Variants in PCCA observed in about 807,000 individuals in gnomAD.
PCCA encodes the protein propionyl-CoA carboxylase subunit alpha, also known as propionyl-CoA carboxylase alpha chain, mitochondrial.
A neutral mutation model predicts 101.3 loss-of-function variants in PCCA; 74 were observed. The ratio of observed to expected loss-of-function variants is 0.73; its 90% CI spans 0.61 to 0.89. The LOEUF is 0.89. Among genes scored for constraint, PCCA ranks in the 40% least tolerant of loss-of-function variants. The pLI is 0.00. For synonymous variants in PCCA, 294 were observed against 313.6 expected (o/e 0.94, Z 0.66); for missense variants, 891 against 907.0 (o/e 0.98, Z 0.23).
intron 4 of PCCA, among the ~76,000 whole-genome samples, chr13:100,142,672 C>T (rs996753443): frequency 3.9e-5 from 6 of 152,114 alleles, no homozygotes; most frequent in Non-Finnish European, 8.8e-5. Context: ...TGGGGTTTTG[C>T]CATGTTGGCC....
rs531151972 is a variant in PCCA, at chr13:100,202,091, A to G, written c.469-7241A>G. ...ATGCCTGCAATCCCAACACTTTGGGAGACTGAGGCAGGAGGATCACTTGAG... is the reference window on the plus strand; with the variant it reads ...ATGCCTGCAATCCCAACACTTTGGGGGACTGAGGCAGGAGGATCACTTGAG... On this transcript the variant is annotated intron_variant, in intron 6 of 23. Transcript: ENST00000376285. 2.3e-4 allele frequency among the ~76,000 whole-genome samples: 35 copies of G among 149,976 alleles called. No homozygotes were observed. In the East Asian group the frequency reaches 6.8e-3, roughly 29 times the overall value.
At chr13:100,325,418 AAGGG>A (rs544506128) in intron 16 of PCCA, among the ~76,000 whole-genome samples, 45,423 of 152,074 alleles carry the variant, frequency 0.3, 8,170 homozygotes, top group Middle Eastern at 0.46. Context: ...ACAAAATGTG[AAGGG>A]GAAGCTGTTT....
chr13:100,168,446 G>T (rs911639671), intron 6 of PCCA, among the ~76,000 whole-genome samples: 1 of 152,190 alleles, frequency 6.6e-6, no homozygotes, highest in African/African-American at 2.4e-5. Context: ...ATGGCATGGG[G>T]GCAGTTTCCT....
chr13:100,224,000 G>A (rs911457619), intron 7 of PCCA, among the ~76,000 whole-genome samples: 2 of 152,254 alleles, frequency 1.3e-5, no homozygotes, highest in African/African-American at 2.4e-5. Flanking sequence ...AGTGGATCCC[G>A]CACCGGGGCT....
intron 21 of PCCA, among the ~76,000 whole-genome samples, chr13:100,506,937 A>G (rs1303205135): frequency 2.0e-5 from 3 of 152,148 alleles, no homozygotes; most frequent in Admixed American, 6.5e-5. Flanking sequence ...TTGTACCCCA[A>G]ATTATACAGT....
intron 21 of PCCA, among the ~76,000 whole-genome samples, chr13:100,500,051 A>G (rs2152987730): frequency 6.6e-6 from 1 of 152,308 alleles, no homozygotes; most frequent in East Asian, 1.9e-4. Flanking sequence ...AATCTAATTG[A>G]AGTAAGAAAT....
chr13:100,373,562 A>G (rs768148619), intron 19 of PCCA, among the ~76,000 whole-genome samples: 2 of 152,238 alleles, frequency 1.3e-5, no homozygotes, highest in Admixed American at 1.3e-4. Context: ...TGATAGAGAC[A>G]GAAACTAGAT....
At chr13:100,304,388 G>T (rs76396021) in intron 14 of PCCA, among the ~76,000 whole-genome samples, 1,666 of 152,340 alleles carry the variant, frequency 0.011, 27 homozygotes, top group African/African-American at 0.03. Context: ...TTATTGCTGG[G>T]AGCAATCAAA....
chr13:100,212,116 A>G (rs1425403012), intron 7 of PCCA, among the ~76,000 whole-genome samples: 2 of 151,848 alleles, frequency 1.3e-5, no homozygotes, highest in African/African-American at 2.4e-5. Flanking sequence ...GTTGCTTCTT[A>G]TATAGCTCTC....
chr13:100,440,259 T>C (rs956161167), intron 20 of PCCA, among the ~76,000 whole-genome samples: 2 of 143,580 alleles, frequency 1.4e-5, no homozygotes, highest in African/African-American at 5.0e-5. Context: ...TATAAAATAT[T>C]ACACAAGCAC....
At chr13:100,107,850 G>A (rs967255446) in intron 2 of PCCA, among the ~76,000 whole-genome samples, 4 of 152,306 alleles carry the variant, frequency 2.6e-5, no homozygotes, top group African/African-American at 7.2e-5. Flanking sequence ...TATACAAAAC[G>A]TGTCCTAAGT....
chr13:100,520,494 G>C (rs981659700), intron 22 of PCCA, among the ~76,000 whole-genome samples: 1 of 151,922 alleles, frequency 6.6e-6, no homozygotes, highest in African/African-American at 2.4e-5. Flanking sequence ...AATTAGCCGG[G>C]CGCAGTGGCG....
chr13:100,191,222 A>C (rs1453584347), intron 6 of PCCA, among the ~76,000 whole-genome samples: 2 of 152,252 alleles, frequency 1.3e-5, no homozygotes, highest in African/African-American at 4.8e-5. Context: ...AGCTGTTGGA[A>C]GTGCATCTCA....
At chr13:100,413,310 A>G (rs559138980) in intron 19 of PCCA, among the ~76,000 whole-genome samples, 84 of 152,372 alleles carry the variant, frequency 5.5e-4, no homozygotes, top group Admixed American at 2.2e-3. Flanking sequence ...GACGTCTTAT[A>G]GTCCACTTAG....
intron 21 of PCCA, chr13:100,481,011 T>G (rs2152968400): frequency 6.6e-6 from 1 of 152,360 alleles, no homozygotes; most frequent in East Asian, 1.9e-4. Flanking sequence ...AGCTCGGCAC[T>G]TAGCCCACAC....
intron 21 of PCCA, among the ~76,000 whole-genome samples, chr13:100,462,736 GAGTC>G (rs1044672306): frequency 3.9e-5 from 6 of 152,148 alleles, no homozygotes; most frequent in Non-Finnish European, 7.4e-5. Flanking sequence ...GTAGTCATGA[GAGTC>G]AGTCAGTCAT....
intron 21 of PCCA, among the ~76,000 whole-genome samples, chr13:100,499,822 G>A (rs2085541717): frequency 6.6e-6 from 1 of 152,192 alleles, no homozygotes; most frequent in African/African-American, 2.4e-5. Context: ...AATAACATAG[G>A]AGAAGCAAAG....
intron 6 of PCCA, among the ~76,000 whole-genome samples, chr13:100,186,946 A>T (rs955064352): frequency 6.6e-6 from 1 of 152,222 alleles, no homozygotes; most frequent in African/African-American, 2.4e-5. Flanking sequence ...AAAATTTTCA[A>T]TGGATAATTG....
At chr13:100,211,462 C>T (rs1028872183) in intron 7 of PCCA, among the ~76,000 whole-genome samples, 1 of 152,188 alleles carries the variant, frequency 6.6e-6, no homozygotes, top group African/African-American at 2.4e-5. Flanking sequence ...GATCTTATAT[C>T]AATCTTTGAG....
Sources: gnomAD v4.1 joint callset for allele counts (sites outside exome capture counted in the v4.1 genomes callset) on GRCh38, gnomAD v4.1.1 for gene constraint, MANE v1.5 for transcripts, NCBI Gene and HGNC (gene_info 2026-07-23, HGNC 2026-07-21) for gene names.